Variants in ADGRB3 observed in about 807,000 individuals in gnomAD.
The protein encoded by ADGRB3 is brain-specific angiogenesis inhibitor 3.
A neutral mutation model predicts 193.4 loss-of-function variants in ADGRB3; 37 were observed. The observed-to-expected ratio is 0.19, with a 90% CI of 0.15 to 0.25. The LOEUF (loss-of-function observed/expected upper bound fraction) is 0.25. Among genes scored for constraint, ADGRB3 ranks in the 10% least tolerant of loss-of-function variants. The pLI, the probability that ADGRB3 is intolerant of heterozygous loss-of-function variation, is 1.00. For missense variants in ADGRB3, 1,637 were observed against 1,852.9 expected (o/e 0.88, Z 2.14); for synonymous variants, 690 against 644.2 (o/e 1.07, Z -1.08).
intron 26 of ADGRB3, among the ~76,000 whole-genome samples, chr6:69,345,815 G>T (rs965041626): frequency 1.3e-5 from 2 of 152,146 alleles, no homozygotes; most frequent in African/African-American, 4.8e-5. Context: ...AAGTCAAATT[G>T]TCTCTCTTTG....
At chr6:68,868,736 A>T (rs1208763608) in intron 3 of ADGRB3, among the ~76,000 whole-genome samples, 2 of 152,158 alleles carry the variant, frequency 1.3e-5, no homozygotes, top group Non-Finnish European at 2.9e-5. Flanking sequence ...TTTCTCTGAG[A>T]TGCTTTGAAT....
At chr6:69,234,680 A>G (rs922972984) in intron 18 of ADGRB3, among the ~76,000 whole-genome samples, 2 of 152,188 alleles carry the variant, frequency 1.3e-5, no homozygotes, top group Non-Finnish European at 2.9e-5. Context: ...TAGTTAAAGA[A>G]AAATGAGTGA....
intron 17 of ADGRB3, among the ~76,000 whole-genome samples, chr6:69,195,749 G>T (rs1765280497): frequency 1.3e-5 from 2 of 152,038 alleles, no homozygotes; most frequent in African/African-American, 4.8e-5. Context: ...AGGCCAGACT[G>T]AACAAAGTCC....
intron 3 of ADGRB3, among the ~76,000 whole-genome samples, chr6:68,659,678 A>G (rs952652489): frequency 6.6e-6 from 1 of 151,008 alleles, no homozygotes; most frequent in African/African-American, 2.4e-5. Context: ...TTCTTATATC[A>G]TGCGAATTAT....
chr6:68,891,898 G>A (rs1004181280), intron 3 of ADGRB3, among the ~76,000 whole-genome samples: 1 of 152,192 alleles, frequency 6.6e-6, no homozygotes, highest in Non-Finnish European at 1.5e-5. Flanking sequence ...AAGGGTGGAG[G>A]AGCCGAAGAG....
At chr6:68,883,420 C>T (rs138964260) in intron 3 of ADGRB3, among the ~76,000 whole-genome samples, 125 of 152,278 alleles carry the variant, frequency 8.2e-4, no homozygotes, top group African/African-American at 2.5e-3. Context: ...AATCAGGTTG[C>T]GTCTCCTTCC....
intron 31 of ADGRB3, among the ~76,000 whole-genome samples, chr6:69,383,755 G>A (rs188692253): frequency 6.6e-6 from 1 of 152,138 alleles, no homozygotes; most frequent in East Asian, 1.9e-4. Context: ...AGTAGGTTAA[G>A]AAGCACCTTA....
chr6:68,915,615 A>G (rs1032574176), intron 3 of ADGRB3, among the ~76,000 whole-genome samples: 2 of 152,168 alleles, frequency 1.3e-5, no homozygotes, highest in Non-Finnish European at 2.9e-5. Flanking sequence ...CGGCCTTTGT[A>G]GTTTTGGAGA....
At chr6:69,334,693 A>T (rs540486632) in intron 24 of ADGRB3, among the ~76,000 whole-genome samples, 73 of 152,352 alleles carry the variant, frequency 4.8e-4, no homozygotes, top group Admixed American at 8.5e-4. Context: ...GAATATACTG[A>T]TCAGACTGAG....
At chr6:68,982,313 A>G (rs1768941139) in intron 10 of ADGRB3, among the ~76,000 whole-genome samples, 1 of 152,210 alleles carries the variant, frequency 6.6e-6, no homozygotes, top group Non-Finnish European at 1.5e-5. Flanking sequence ...AATGTATCCC[A>G]AAAAGTATCC....
intron 3 of ADGRB3, among the ~76,000 whole-genome samples, chr6:68,653,832 C>A (rs750209773): frequency 6.6e-6 from 1 of 151,830 alleles, no homozygotes; most frequent in African/African-American, 2.4e-5. Flanking sequence ...TTCCTTCCTG[C>A]CTATCTTCCT....
At chr6:69,333,995 ATAAAATAAAATAAAATAAAAT>A (rs1329715740) in intron 24 of ADGRB3, among the ~76,000 whole-genome samples, 2 of 133,894 alleles carry the variant, frequency 1.5e-5, no homozygotes, top group African/African-American at 5.3e-5. Context: ...ATAAAATAAA[ATAAAATAAAATAAAATAAAAT>A]AAAAAATATG....
chr6:69,043,054 T>G (rs186371111), intron 13 of ADGRB3, among the ~76,000 whole-genome samples: 1 of 152,204 alleles, frequency 6.6e-6, no homozygotes, highest in East Asian at 1.9e-4. Flanking sequence ...CTCTTTGCAG[T>G]TTATGGTCTT....
chr6:69,031,048 T>TTTTTTC, intron 13 of ADGRB3, among the ~76,000 whole-genome samples: 1 of 12,848 alleles, frequency 7.8e-5, no homozygotes. Context: ...TCTCTTCTCT[T>TTTTTTC]CTCTTCTCTT....
At chr6:69,311,299 G>GA (rs2127300416) in intron 20 of ADGRB3, among the ~76,000 whole-genome samples, 1 of 151,864 alleles carries the variant, frequency 6.6e-6, no homozygotes, top group African/African-American at 2.4e-5. Flanking sequence ...AGAACCAAGA[G>GA]AAAACCCCAA....
intron 12 of ADGRB3, among the ~76,000 whole-genome samples, chr6:69,015,046 A>T (rs901774432): frequency 1.3e-5 from 2 of 151,866 alleles, no homozygotes; most frequent in African/African-American, 4.8e-5. Flanking sequence ...TAATACTTTA[A>T]ATCTATTTTT....
At chr6:68,735,245 T>G (rs1050128627) in intron 3 of ADGRB3, among the ~76,000 whole-genome samples, 1 of 152,014 alleles carries the variant, frequency 6.6e-6, no homozygotes, top group Non-Finnish European at 1.5e-5. Context: ...TTACTTAAAA[T>G]ATAAAATACA....
At chr6:68,873,089 A>G (rs143334150) in intron 3 of ADGRB3, among the ~76,000 whole-genome samples, 1 of 152,250 alleles carries the variant, frequency 6.6e-6, no homozygotes, top group African/African-American at 2.4e-5. Flanking sequence ...TAACTTAGCA[A>G]TTGGAACATG....
intron 13 of ADGRB3, among the ~76,000 whole-genome samples, chr6:69,046,884 G>T (rs767441274): frequency 8.5e-4 from 130 of 152,250 alleles, no homozygotes; most frequent in Non-Finnish European, 1.6e-3. Context: ...TTGAGACGCA[G>T]TCTTGCTCTG....
Sources: gnomAD v4.1 joint callset for allele counts (sites outside exome capture counted in the v4.1 genomes callset) on GRCh38, gnomAD v4.1.1 for gene constraint, MANE v1.5 for transcripts, NCBI Gene and HGNC (gene_info 2026-07-23, HGNC 2026-07-21) for gene names.